LMF2: variants seen among roughly 807,000 people sequenced by gnomAD.
The protein encoded by LMF2 is transmembrane protein 112B.
In LMF2, 113 loss-of-function variants were observed where a neutral mutation model predicts 81.5. The ratio of observed to expected loss-of-function variants is 1.39; its 90% CI spans 1.19 to 1.62. The LOEUF (loss-of-function observed/expected upper bound fraction) is 1.62, where lower values mean the gene tolerates loss of function less well. LMF2 is among the 40% of genes most tolerant of loss of function. The pLI is 0.00. For missense variants in LMF2, 1,235 were observed against 929.1 expected (o/e 1.33, Z -4.28); for synonymous variants, 645 against 424.5 (o/e 1.52, Z -6.39).
rs2068565621 is a variant in LMF2 at position 50,506,292 on chromosome 22, C to A, written c.588G>T (p.Gly196=). 6.5e-7 allele frequency: 1 copy of A among 1,548,760 alleles called. No homozygotes were observed. The highest frequency in any genetic ancestry group is 1.2e-5 in the South Asian group (1 of 83,992). Residue 196 remains glycine (G), a synonymous_variant, in exon 4 of 14, where the codon GGG becomes GGT. Coordinates refer to ENST00000474879, the MANE Select transcript of LMF2 (RefSeq NM_033200.3). ...CCAGACCGGGCCCCTCACCAGTGAG[C>A]CCCCACCACGCAGGGCAGCGGCTGG... ...KLTSRCPAWW[G]LTALTYHYET...
In LMF2 at chr22:50,506,510, G is replaced by A; in HGVS notation, c.378-8C>T. Reference sequence around the variant, plus strand: ...TCTAGCAGCAGGGAGTCCCTATGGGGAGAGCAAATAGCACCAAGAGCCCCT... The same window carrying A: ...TCTAGCAGCAGGGAGTCCCTATGGGAAGAGCAAATAGCACCAAGAGCCCCT... On this transcript the variant is annotated splice_polypyrimidine_tract_variant and splice_region_variant and intron_variant, in intron 3 of 13. Transcript: ENST00000474879. The A allele has an allele frequency of 1.3e-6, 2 of 1,561,762 alleles. No homozygotes were observed. Among genetic ancestry groups the A allele is most frequent in the Non-Finnish European group, 1.7e-6 (2 of 1,156,280 alleles).
At position 50,503,359 on chromosome 22, in the gene LMF2, C is replaced by A; in HGVS notation, c.*32G>T. On this transcript the variant is annotated 3_prime_UTR_variant, in exon 14 of 14. Coordinates refer to ENST00000474879, the MANE Select transcript of LMF2 (RefSeq NM_033200.3). ...GGCCAGAGCACTCCCGGCGACCTGG[C>A]CCTCTCAGGACGTGCAGCTGGGAGA... 1 of 1,607,768 alleles carries A rather than the reference C, an allele frequency of 6.2e-7. No individual in the cohort carries two copies. The highest frequency in any genetic ancestry group is 2.2e-5 in the East Asian group (1 of 44,708).
At chr22:50,504,489 CGCCCTGCCCCTCCCCT>C in intron 11 of LMF2, 38 bp from the exon 12 acceptor site, 5 of 1,540,130 alleles carry the variant, frequency 3.2e-6, no homozygotes, top group East Asian at 2.3e-5. Flanking sequence ...CCACAGTACC[CGCCCTGCCCCTCCCCT>C]CCCCACCCCG....
chr22:50,503,539 C>A lies in LMF2; in HGVS notation c.1976G>T (p.Cys659Phe). ...TGCCAGCGGGGAGGACCGGAGAGAA[C>A]AGGGTGCTAGCAGGGCTTGCACAAA... ...VRFVQALLAP[C>F]SLRSSPLAPV... Residue 659 changes from cysteine (C) to phenylalanine (F), a missense_variant, in exon 14 of 14, where the codon TGT (cysteine) becomes TTT (phenylalanine). By Grantham distance (205) the Cys-to-Phe change is radical. Coordinates refer to ENST00000474879, the MANE Select transcript of LMF2 (RefSeq NM_033200.3). 1.3e-6 allele frequency: 2 copies of A among 1,565,824 alleles called. No homozygotes were observed. The highest frequency in any genetic ancestry group is 1.2e-5 in the South Asian group (1 of 85,232).
intron 1 of LMF2, 45 bp from the exon 2 acceptor site, chr22:50,507,080 G>T (rs369642297): frequency 7.7e-6 from 12 of 1,548,476 alleles, no homozygotes; most frequent in Middle Eastern, 2.2e-4. Context: ...AGCCCTTGCA[G>T]ACTAGACTAC....
Position 50,506,843 on chromosome 22 carries a change from C to T in LMF2, c.287G>A (p.Ser96Asn), listed in dbSNP as rs920836050. Reference sequence around the variant, plus strand: ...GTAGATGACAGGGTGGCGCAGTGGGCTCAGCAGCAGGGCTCCCAGGGCCAC... The same window carrying T: ...GTAGATGACAGGGTGGCGCAGTGGGTTCAGCAGCAGGGCTCCCAGGGCCAC... ...ALVALGALLL[S>N]PLRHPVIYLL... is the part of the protein sequence containing the mutation. Residue 96 changes from serine to asparagine, a missense_variant, in exon 2 of 14, where the codon AGC becomes AAC. Transcript: ENST00000474879. 2.5e-6 allele frequency: 4 copies of T among 1,600,382 alleles called. No individual in the cohort carries two copies. The highest frequency in any genetic ancestry group is 3.4e-6 in the Non-Finnish European group (4 of 1,173,764).
intron 1 of LMF2, 64 bp from the exon 2 acceptor site, chr22:50,507,099 C>A: frequency 6.6e-7 from 1 of 1,521,418 alleles, no homozygotes; most frequent in South Asian, 1.3e-5. Flanking sequence ...ACCTCTGAGT[C>A]AGGGCCTGCA....
chr22:50,503,992 C>T, intron 12 of LMF2, 88 bp from the exon 13 acceptor site: 6 of 1,138,018 alleles, frequency 5.3e-6, no homozygotes, highest in Non-Finnish European at 7.5e-6. Flanking sequence ...TGCTCCTCAG[C>T]TCCTCACGCT....
chr22:50,504,812 T>C lies in LMF2; in HGVS notation c.1427A>G (p.His476Arg), dbSNP rs1198576109. 1.2e-6 allele frequency: 2 copies of C among 1,606,154 alleles called. No individual in the cohort carries two copies. Among genetic ancestry groups the C allele is most frequent in the South Asian group, 2.2e-5 (2 of 90,888 alleles). ...CCTGGGAGGGCTCACCGTCCAGTGG[T>C]GGCCGTCGTAACTGCCCTCCAGCAC... ...EVVLEGSYDG[H>R]HWTEIEFMYK... is the part of the protein sequence containing the mutation. The change falls in exon 10 of 14, where the codon CAC (histidine) becomes CGC (arginine). Residue 476 changes from histidine to arginine, a missense_variant. By Grantham distance (29) the His-to-Arg change is conservative. Coordinates refer to ENST00000474879, the MANE Select transcript of LMF2 (RefSeq NM_033200.3).
chr22:50,506,916 G>A lies in LMF2; in HGVS notation c.214C>T (p.Leu72=), dbSNP rs1216430310. Residue 72 remains leucine (L), a synonymous_variant, in exon 2 of 14, where the codon CTG becomes TTG. Transcript: ENST00000474879. ...AGCTCCAGGCCCTGGGCCGTGTCCA[G>A]CCCCAGTCTCGGCGCTTCCCACAGC... ...TLLWEAPRLG[L]DTAQGLELLS... 1.3e-6 allele frequency: 2 copies of A among 1,583,414 alleles called. No individual in the cohort carries two copies. Among genetic ancestry groups the A allele is most frequent in the Non-Finnish European group, 1.7e-6 (2 of 1,166,904 alleles).
In LMF2 at chr22:50,505,448, C is replaced by T. The variant is rs1304788788; in HGVS notation, c.1006G>A (p.Gly336Ser). 1 of 1,612,940 alleles carries T rather than the reference C, an allele frequency of 6.2e-7. No homozygotes were observed. The highest frequency in any genetic ancestry group is 1.3e-5 in the African/African-American group (1 of 74,952). ...LLAYGTVHYF[G>S]LEVDWQQRTI... Reference sequence around the variant, plus strand: ...CGCTGCTGCCAGTCAACCTCCAGGCCAAAGTAGTGCACAGTGCCATAGGCC... The same window carrying T: ...CGCTGCTGCCAGTCAACCTCCAGGCTAAAGTAGTGCACAGTGCCATAGGCC... Residue 336 changes from glycine to serine, a missense_variant, in exon 7 of 14, where the codon GGC (glycine) becomes AGC (serine). Transcript: ENST00000474879.
chr22:50,505,996 C>A (rs572698642), intron 5 of LMF2, 39 bp downstream of exon 5: 1 of 1,566,228 alleles, frequency 6.4e-7, no homozygotes, highest in Non-Finnish European at 8.7e-7. Flanking sequence ...AAGGCCGAGC[C>A]CTGTCTGCCT....
In LMF2 at chr22:50,503,867, G is replaced by A. The variant is rs201520236; in HGVS notation, c.1756C>T (p.Pro586Ser). 462 of 1,605,900 alleles carry A rather than the reference G, an allele frequency of 2.9e-4. 2 individuals are homozygous for A. The highest frequency in any genetic ancestry group is 3.7e-4 in the Non-Finnish European group (442 of 1,179,476). Reference sequence around the variant, plus strand: ...GTGGGGTCCCCCAGGGACACGGATGGGAAGAACTCCTCCACCCACTGGCGC... The same window carrying A: ...GTGGGGTCCCCCAGGGACACGGATGAGAAGAACTCCTCCACCCACTGGCGC... Reference protein sequence around the residue: ...WRRQWVEEFFPSVSLGDPTLE... With the variant: ...WRRQWVEEFFSSVSLGDPTLE... The change falls in exon 13 of 14, where the codon CCA becomes TCA. Residue 586 changes from proline (P) to serine (S), a missense_variant. Coordinates refer to ENST00000474879, the MANE Select transcript of LMF2 (RefSeq NM_033200.3).
In LMF2 at chr22:50,506,316, G is replaced by A; in HGVS notation, c.564C>T (p.Thr188=). 2 of 1,549,632 alleles carry A rather than the reference G, an allele frequency of 1.3e-6. No homozygotes were observed. The highest frequency in any genetic ancestry group is 1.7e-6 in the Non-Finnish European group (2 of 1,146,776). The part of the protein sequence containing the change: ...LMFASGVVKL[T]SRCPAWWGLT... ...GCCCCCACCACGCAGGGCAGCGGCTGGTCAGCTTGACCACGCCTGAGGCGA... is the reference window on the plus strand; with the variant it reads ...GCCCCCACCACGCAGGGCAGCGGCTAGTCAGCTTGACCACGCCTGAGGCGA... Residue 188 remains threonine (T), a synonymous_variant, in exon 4 of 14, where the codon ACC becomes ACT. Transcript: ENST00000474879.
At chr22:50,507,441 G>GA (rs1203040428) in intron 1 of LMF2, 141 bp downstream of exon 1, 1 of 721,492 alleles carries the variant, frequency 1.4e-6, no homozygotes, top group African/African-American at 1.8e-5. Context: ...CGGCCTGCAG[G>GA]ACACGAACCG....
rs769351966 is a variant in LMF2, at chr22:50,504,904, G to C, written c.1335C>G (p.His445Gln). ...GGCCGTAGGAGTTGGCCAGCTGTAG[G>C]TGCTCCACGGCACCAAACAGGCGGT... is the stretch of plus-strand genomic sequence containing the variant. ...GAHRLFGAVE[H>Q]LQLANSYGLF... The change falls in exon 10 of 14, where the codon CAC becomes CAG. Residue 445 changes from histidine (H) to glutamine (Q), a missense_variant. Transcript: ENST00000474879. 1.2e-6 allele frequency: 2 copies of C among 1,608,906 alleles called. No individual in the cohort carries two copies. The highest frequency in any genetic ancestry group is 1.7e-6 in the Non-Finnish European group (2 of 1,178,070).
Position 50,506,030 on chromosome 22 carries a change from C to G in LMF2, c.774+5G>C. The G allele has an allele frequency of 6.3e-7, 1 of 1,578,856 alleles. No homozygotes were observed. The highest frequency in any genetic ancestry group is 8.6e-7 in the Non-Finnish European group (1 of 1,162,190). On this transcript the variant is annotated splice_donor_5th_base_variant and intron_variant, in intron 5 of 13. Coordinates refer to ENST00000474879, the MANE Select transcript of LMF2 (RefSeq NM_033200.3). Reference sequence around the variant, plus strand: ...CTCTCTCTGACAGCTGCGGCCCTCACCCACCTGCGAGTAGAAAGCAGCCAA... The same window carrying G: ...CTCTCTCTGACAGCTGCGGCCCTCAGCCACCTGCGAGTAGAAAGCAGCCAA...
chr22:50,504,818 T>A lies in LMF2; in HGVS notation c.1421A>T (p.Asp474Val), dbSNP rs917142353. Reference protein sequence around the residue: ...RPEVVLEGSYDGHHWTEIEFM... With the variant: ...RPEVVLEGSYVGHHWTEIEFM... ...AGGGCTCACCGTCCAGTGGTGGCCG[T>A]CGTAACTGCCCTCCAGCACCACCTC... The change falls in exon 10 of 14, where the codon GAC (aspartate) becomes GTC (valine). Residue 474 changes from aspartate to valine, a missense_variant. Transcript: ENST00000474879. The A allele has an allele frequency of 1.2e-6, 2 of 1,606,284 alleles. No homozygotes were observed. Among genetic ancestry groups the A allele is most frequent in the Non-Finnish European group, 1.7e-6 (2 of 1,175,498 alleles).
At chr22:50,505,620 G>T in intron 6 of LMF2, 54 bp downstream of exon 6, 3 of 1,611,214 alleles carry the variant, frequency 1.9e-6, no homozygotes, top group South Asian at 2.2e-5. Flanking sequence ...TCCTGTGGGG[G>T]TGTTGGAGGG....
Sources: allele counts gnomAD v4.1 joint callset, GRCh38; gene constraint gnomAD v4.1.1; transcripts MANE v1.5; gene names NCBI Gene and HGNC (gene_info 2026-07-23, HGNC 2026-07-21).